Variants in CDC7 observed in about 807,000 individuals in gnomAD.
CDC7 encodes cell division cycle 7-related protein kinase.
Under a neutral mutation model 53.5 loss-of-function variants are expected in CDC7, and 34 were observed. The observed-to-expected ratio is 0.64, with a 90% CI of 0.48 to 0.85. CDC7 has a LOEUF of 0.85. CDC7 is among the 40% of genes least tolerant of loss of function. The pLI is 0.00. For missense variants in CDC7, 594 were observed against 679.7 expected, an observed-to-expected ratio of 0.87 and a Z score of 1.40; for synonymous variants, 211 against 222.8, an observed-to-expected ratio of 0.95 and a Z score of 0.47.
At chr1:91,520,065 CTA>C in intron 10 of CDC7, 63 bp from the exon 11 acceptor site, 1 of 1,286,388 alleles carries the variant, frequency 7.8e-7, no homozygotes, top group Non-Finnish European at 1.1e-6. Context: ...ATGTTGAGGA[CTA>C]TTGATTTAGA....
intron 9 of CDC7, among the ~76,000 whole-genome samples, chr1:91,515,215 TATATGCAA>T (rs1667495206): frequency 6.6e-6 from 1 of 152,226 alleles, no homozygotes; most frequent in South Asian, 2.1e-4. Context: ...CATTTGCTCT[TATATGCAA>T]ATAAGTGGGA....
chr1:91,510,170 A>C (rs112090954), intron 4 of CDC7, among the ~76,000 whole-genome samples: 5,768 of 150,134 alleles, frequency 0.038, 129 homozygotes, highest in African/African-American at 0.049. Context: ...ACCTGCGATC[A>C]CTCCATTGCA....
In CDC7 at chr1:91,510,165, C is replaced by T. The variant is rs142435702; in HGVS notation, c.336-1432C>T. Among the ~76,000 whole-genome samples, 105 of 151,682 alleles carry T rather than the reference C, an allele frequency of 6.9e-4. No individual in the cohort carries two copies. In the East Asian group the frequency reaches 0.016, roughly 23 times the overall value. On this transcript the variant is annotated intron_variant, in intron 4 of 11. Transcript: ENST00000234626. The stretch of plus-strand genomic sequence containing the variant: ...AGGAGTTTGAGGCTGTAATGACCTG[C>T]GATCACTCCATTGCACTCCATCCAG...
At chr1:91,521,638 T>C (rs1353426136) in intron 11 of CDC7, among the ~76,000 whole-genome samples, 1 of 152,214 alleles carries the variant, frequency 6.6e-6, no homozygotes, top group African/African-American at 2.4e-5. Flanking sequence ...TATTCTCAAC[T>C]GAGAAAACTT....
rs1287854856 is a variant in CDC7, at chr1:91,515,855, A to G, written c.1159A>G (p.Lys387Glu). 60 of 1,613,574 alleles carry G rather than the reference A, an allele frequency of 3.7e-5. No individual in the cohort carries two copies. Among genetic ancestry groups the G allele is most frequent in the Non-Finnish European group, 4.9e-5 (58 of 1,179,734 alleles). The change falls in exon 10 of 12, where the codon AAG (lysine) becomes GAG (glutamate). Residue 387 changes from lysine (K) to glutamate (E), a missense_variant. Lys to Glu is a moderately conservative substitution (Grantham distance 56). Coordinates refer to ENST00000234626, the MANE Select transcript of CDC7 (RefSeq NM_003503.4). ...PGFRAPEVLT[K>E]CPNQTTAIDM... ...ATTCAGAGCACCAGAGGTCTTGACA[A>G]AGTGCCCCAATCAAACTACAGGTAT... is the stretch of plus-strand genomic sequence containing the variant.
Position 91,524,508 on chromosome 1 carries a change from C to T in CDC7, c.*73C>T. Reference sequence around the variant, plus strand: ...GAATACTTTGTAATAGCCACAAGTTCTTGTTTAGAGACCAGAGCAGGATTA... The same window carrying T: ...GAATACTTTGTAATAGCCACAAGTTTTTGTTTAGAGACCAGAGCAGGATTA... On this transcript the variant is annotated 3_prime_UTR_variant, in exon 12 of 12. Transcript: ENST00000234626. 2 of 1,178,666 alleles carry T rather than the reference C, an allele frequency of 1.7e-6. No individual in the cohort carries two copies. Among genetic ancestry groups the T allele is most frequent in the East Asian group, 2.3e-5 (1 of 42,852 alleles). The allele number at this position is 1,178,666 out of a possible 1,614,324, so 73.0% of individuals were successfully genotyped here.
intron 2 of CDC7, among the ~76,000 whole-genome samples, chr1:91,504,281 A>AT (rs957990643): frequency 2.6e-5 from 4 of 151,748 alleles, no homozygotes; most frequent in Admixed American, 6.6e-5. Flanking sequence ...AATTTTAAAT[A>AT]TTTTTTTTAG....
chr1:91,508,784 T>C (rs564295550), intron 4 of CDC7, among the ~76,000 whole-genome samples: 1 of 152,342 alleles, frequency 6.6e-6, no homozygotes, highest in Admixed American at 6.5e-5. Context: ...GTATGGTTTC[T>C]CTCTGCTAGG....
chr1:91,504,647 C>A (rs1232338809), intron 2 of CDC7, among the ~76,000 whole-genome samples: 1 of 152,132 alleles, frequency 6.6e-6, no homozygotes, highest in African/African-American at 2.4e-5. Flanking sequence ...TAGCTTACGG[C>A]TATTGTCACA....
chr1:91,508,697 A>T (rs546151526), intron 4 of CDC7, among the ~76,000 whole-genome samples: 2 of 152,282 alleles, frequency 1.3e-5, no homozygotes, highest in East Asian at 3.9e-4. Context: ...TTGTAAATGT[A>T]GGGAACTCAC....
rs1477324708 is a variant in CDC7 at position 91,524,807 on chromosome 1, G to T, written c.*372G>T. The T allele has an allele frequency of 6.0e-6, 1 of 165,414 alleles. No homozygotes were observed. Among genetic ancestry groups the T allele is most frequent in the Non-Finnish European group, 1.3e-5 (1 of 77,136 alleles). The allele number at this position is 165,414 out of a possible 1,614,324, so 10.2% of individuals were successfully genotyped here. ...TTAAATGAATCAAAAGACTTAATTT[G>T]TAGATTCTTTTAGAGTTATGAGCTA... On this transcript the variant is annotated 3_prime_UTR_variant, in exon 12 of 12. Transcript: ENST00000234626.
intron 4 of CDC7, among the ~76,000 whole-genome samples, 185 bp downstream of exon 4, chr1:91,508,582 G>A (rs965055868): frequency 3.3e-5 from 5 of 152,272 alleles, no homozygotes; most frequent in Admixed American, 6.5e-5. Flanking sequence ...AATTCTTTTA[G>A]ATTGGATTTC....
In CDC7 at chr1:91,511,666, A is replaced by G. The variant is rs772136364; in HGVS notation, c.405A>G (p.Pro135=). The change falls in exon 5 of 12, where the codon CCA becomes CCG. Residue 135 remains proline (P), a synonymous_variant. Coordinates refer to ENST00000234626, the MANE Select transcript of CDC7 (RefSeq NM_003503.4). ...ATGATCATGTAGTTATTGCTATGCC[A>G]TATCTGGAGCATGAGTCGTTTTTGG... ...RKNDHVVIAM[P]YLEHESFLDI... 5.6e-6 allele frequency: 9 copies of G among 1,610,546 alleles called. No homozygotes were observed. Among genetic ancestry groups the G allele is most frequent in the South Asian group, 2.2e-5 (2 of 90,644 alleles).
rs752715261 is a variant in CDC7 at position 91,524,093 on chromosome 1, C to T, written c.1383C>T (p.Leu461=). The T allele has an allele frequency of 1.9e-6, 3 of 1,613,418 alleles. No individual in the cohort carries two copies. ...TTCCAGCACAAGACTTGAGAAAACTCTGTGAGAGACTCAGGGGTATGGATT... is the reference window on the plus strand; with the variant it reads ...TTCCAGCACAAGACTTGAGAAAACTTTGTGAGAGACTCAGGGGTATGGATT... ...KEVPAQDLRK[L]CERLRGMDSS... The change falls in exon 12 of 12, where the codon CTC becomes CTT. Residue 461 remains leucine (L), a synonymous_variant. Coordinates refer to ENST00000234626, the MANE Select transcript of CDC7 (RefSeq NM_003503.4).
chr1:91,513,197 C>T lies in CDC7; in HGVS notation c.712C>T (p.Leu238=). 1.2e-6 allele frequency: 2 copies of T among 1,613,748 alleles called. No individual in the cohort carries two copies. Among genetic ancestry groups the T allele is most frequent in the South Asian group, 2.2e-5 (2 of 91,064 alleles). Residue 238 remains leucine, a synonymous_variant, in exon 7 of 12, where the codon CTG becomes TTG. Coordinates refer to ENST00000234626, the MANE Select transcript of CDC7 (RefSeq NM_003503.4). ...SHIITGNKIP[L]SGPVPKELDQ... is the part of the protein sequence containing the mutation. ...CATAATCACAGGAAACAAGATTCCA[C>T]TGAGTGGCCCAGTACCTAAGGAGCT...
At chr1:91,504,105 C>CTTT (rs1216657728) in intron 2 of CDC7, among the ~76,000 whole-genome samples, 7 of 135,044 alleles carry the variant, frequency 5.2e-5, no homozygotes, top group African/African-American at 1.1e-4. Flanking sequence ...TTTTGGCAAG[C>CTTT]TTTTTTTTTT....
rs1667382343 is a variant in CDC7 at position 91,513,318 on chromosome 1, T to C, written c.822+11T>C. ...GGAAAAGACGGAAAGGTTCTATCTC[T>C]TTTATTTCTTAAGTACCGACACTGT... On this transcript the variant is annotated intron_variant, in intron 7 of 11. Coordinates refer to ENST00000234626, the MANE Select transcript of CDC7 (RefSeq NM_003503.4). 1.2e-6 allele frequency: 2 copies of C among 1,607,772 alleles called. No individual in the cohort carries two copies. The highest frequency in any genetic ancestry group is 2.7e-5 in the African/African-American group (2 of 74,496).
Position 91,524,270 on chromosome 1 carries a change from C to T in CDC7, c.1560C>T (p.Ser520=). 1.2e-6 allele frequency: 2 copies of T among 1,614,062 alleles called. No homozygotes were observed. The highest frequency in any genetic ancestry group is 1.7e-6 in the Non-Finnish European group (2 of 1,179,928). The change falls in exon 12 of 12, where the codon AGC becomes AGT. Residue 520 remains serine, a synonymous_variant. Transcript: ENST00000234626. ...GNSFKKGDSN[S]CEHCFDEYNT... is the part of the protein sequence containing the mutation. ...CATTTAAAAAGGGGGATAGTAATAG[C>T]TGTGAGCATTGTTTTGATGAGTATA...
At chr1:91,519,946 T>C (rs1369548825) in intron 10 of CDC7, among the ~76,000 whole-genome samples, 184 bp from the exon 11 acceptor site, 1 of 152,202 alleles carries the variant, frequency 6.6e-6, no homozygotes, top group South Asian at 2.1e-4. Flanking sequence ...TGAGGAACTT[T>C]TTTAAAACAT....
Sources: gnomAD v4.1 joint callset for allele counts (sites outside exome capture counted in the v4.1 genomes callset) on GRCh38, gnomAD v4.1.1 for gene constraint, MANE v1.5 for transcripts, NCBI Gene and HGNC (gene_info 2026-07-23, HGNC 2026-07-21) for gene names.